Variants in CDX1 observed in about 807,000 individuals in gnomAD.
The protein encoded by CDX1 is homeobox protein CDX-1.
Under a neutral mutation model 16.9 loss-of-function variants are expected in CDX1, and 9 were observed. That is an observed-to-expected ratio of 0.53 (90% CI 0.32 to 0.93). CDX1 has a LOEUF of 0.93. Among genes scored for constraint, CDX1 ranks in the 40% least tolerant of loss-of-function variants. The pLI, the probability that CDX1 is intolerant of heterozygous loss-of-function variation, is 0.04. For missense variants in CDX1, 393 were observed against 386.1 expected, an observed-to-expected ratio of 1.02 and a Z score of -0.15; for synonymous variants, 179 against 179.0, an observed-to-expected ratio of 1.00 and a Z score of 0.00.
chr5:150,169,401 C>A (rs147760724), intron 1 of CDX1, among the ~76,000 whole-genome samples: 1 of 152,176 alleles, frequency 6.6e-6, no homozygotes, highest in East Asian at 1.9e-4. Context: ...AGAAGGAGGT[C>A]TGGGGGTTCC....
At chr5:150,179,758 C>A (rs898527139) in intron 1 of CDX1, among the ~76,000 whole-genome samples, 4 of 152,248 alleles carry the variant, frequency 2.6e-5, no homozygotes, top group Admixed American at 2.0e-4. Context: ...CAGCCTGGGG[C>A]TCTCAGTAGC....
chr5:150,183,333 G>A lies in CDX1; in HGVS notation c.592-141G>A, dbSNP rs189529845. 3.3e-5 allele frequency: 23 copies of A among 691,108 alleles called. No individual in the cohort carries two copies. In the Admixed American group the frequency reaches 7.0e-4, roughly 21 times the overall value. 42.8% of individuals were successfully genotyped at this position (691,108 alleles called of 1,614,324 possible). ...GGGGGAGAATGAATTCAGGGTCCAT[G>A]TGGTCTGGGAGGCTGGAGAGGAGAT... is the stretch of plus-strand genomic sequence containing the variant. On this transcript the variant is annotated intron_variant, in intron 2 of 2. Coordinates refer to ENST00000231656, the MANE Select transcript of CDX1 (RefSeq NM_001804.3).
chr5:150,177,269 A>T (rs1354662352), intron 1 of CDX1, among the ~76,000 whole-genome samples: 2 of 152,260 alleles, frequency 1.3e-5, no homozygotes, highest in Non-Finnish European at 2.9e-5. Flanking sequence ...ATCAACAAAC[A>T]TTGGGAGGTT....
intron 1 of CDX1, among the ~76,000 whole-genome samples, chr5:150,168,055 A>AG (rs1402723608): frequency 6.6e-6 from 1 of 152,078 alleles, no homozygotes; most frequent in Non-Finnish European, 1.5e-5. Context: ...AACTTTAATG[A>AG]GGGGCGGCTT....
intron 1 of CDX1, among the ~76,000 whole-genome samples, chr5:150,179,631 A>G (rs1761614987): frequency 6.6e-6 from 1 of 152,188 alleles, no homozygotes; most frequent in African/African-American, 2.4e-5. Context: ...AAGCACCTTC[A>G]GGACCACTGC....
At chr5:150,168,437 A>G (rs1027602771) in intron 1 of CDX1, among the ~76,000 whole-genome samples, 2 of 152,166 alleles carry the variant, frequency 1.3e-5, no homozygotes, top group Non-Finnish European at 2.9e-5. Context: ...ATAACCTCCT[A>G]TCTGCCTCCA....
At chr5:150,169,070 G>A (rs940100295) in intron 1 of CDX1, among the ~76,000 whole-genome samples, 1 of 152,134 alleles carries the variant, frequency 6.6e-6, no homozygotes, top group Non-Finnish European at 1.5e-5. Context: ...CTGCTCCTGT[G>A]TTCCACTTTC....
At position 150,167,049 on chromosome 5, in the gene CDX1, C is replaced by A; in HGVS notation, c.173C>A (p.Pro58Gln). ...YSHVEPAPAPPTAWGAPFPAP... is the reference protein window; with the variant it reads ...YSHVEPAPAPQTAWGAPFPAP... ...CACGTGGAGCCGGCCCCCGCGCCCC[C>A]GACGGCCTGGGGGGCGCCCTTCCCT... Residue 58 changes from proline (P) to glutamine (Q), a missense_variant, in exon 1 of 3, where the codon CCG becomes CAG. Coordinates refer to ENST00000231656, the MANE Select transcript of CDX1 (RefSeq NM_001804.3). 7.0e-7 allele frequency: 1 copy of A among 1,430,944 alleles called. No individual in the cohort carries two copies. The highest frequency in any genetic ancestry group is 9.1e-7 in the Non-Finnish European group (1 of 1,097,740). The allele number at this position is 1,430,944 out of a possible 1,614,324, so 88.6% of individuals were successfully genotyped here.
At chr5:150,179,013 C>T (rs932510771) in intron 1 of CDX1, among the ~76,000 whole-genome samples, 3 of 152,070 alleles carry the variant, frequency 2.0e-5, no homozygotes, top group African/African-American at 4.8e-5. Context: ...CTTGTGTTAT[C>T]AGAAACAGAT....
chr5:150,177,963 C>G (rs146970143), intron 1 of CDX1, among the ~76,000 whole-genome samples: 1 of 152,136 alleles, frequency 6.6e-6, no homozygotes, highest in Non-Finnish European at 1.5e-5. Flanking sequence ...AGGTCTTCAC[C>G]GGCAGCCTTG....
At chr5:150,180,371 T>C (rs2113953898) in intron 1 of CDX1, among the ~76,000 whole-genome samples, 1 of 152,236 alleles carries the variant, frequency 6.6e-6, no homozygotes, top group East Asian at 1.9e-4. Context: ...CATGGAAGCG[T>C]CCAGTGTGGT....
At position 150,167,336 on chromosome 5, in the gene CDX1, C is replaced by T. The variant is rs1761441892; in HGVS notation, c.445+15C>T. ...CGGTGGCAGCGGTAAGGACCCTTCC[C>T]TCGCCCTGCGCCTCTGGACCTGCAG... On this transcript the variant is annotated intron_variant, in intron 1 of 2. Transcript: ENST00000231656. 2 of 1,246,970 alleles carry T rather than the reference C, an allele frequency of 1.6e-6. No homozygotes were observed. Among genetic ancestry groups the T allele is most frequent in the Non-Finnish European group, 2.0e-6 (2 of 998,150 alleles). The allele number at this position is 1,246,970 out of a possible 1,614,324, so 77.2% of individuals were successfully genotyped here.
intron 1 of CDX1, among the ~76,000 whole-genome samples, chr5:150,171,667 C>T (rs544684036): frequency 6.6e-6 from 1 of 152,334 alleles, no homozygotes; most frequent in South Asian, 2.1e-4. Flanking sequence ...TAAAATCCAG[C>T]TCCATTTCTA....
chr5:150,173,853 G>A (rs1189278650), intron 1 of CDX1, among the ~76,000 whole-genome samples: 1 of 152,142 alleles, frequency 6.6e-6, no homozygotes, highest in Non-Finnish European at 1.5e-5. Flanking sequence ...ACCAGCTGCT[G>A]GAGTGGACTT....
At chr5:150,178,987 G>A (rs1325887848) in intron 1 of CDX1, among the ~76,000 whole-genome samples, 2 of 152,002 alleles carry the variant, frequency 1.3e-5, no homozygotes, top group African/African-American at 2.4e-5. Flanking sequence ...TTGTACACGT[G>A]TACATTGTTT....
rs1580835333 is a variant in CDX1, at chr5:150,167,117, G to T, written c.241G>T (p.Ala81Ser). Residue 81 changes from alanine to serine, a missense_variant, in exon 1 of 3, where the codon GCG becomes TCG. Coordinates refer to ENST00000231656, the MANE Select transcript of CDX1 (RefSeq NM_001804.3). ...DWAAAYGPGP[A>S]APAASPASLA... The stretch of plus-strand genomic sequence containing the variant: ...GGCCGCCGCCTACGGCCCGGGCCCC[G>T]CGGCCCCTGCCGCCAGCCCAGCTTC... 6 of 1,337,342 alleles carry T rather than the reference G, an allele frequency of 4.5e-6. No individual in the cohort carries two copies. The highest frequency in any genetic ancestry group is 4.7e-6 in the Non-Finnish European group (5 of 1,052,956). 82.8% of individuals were successfully genotyped at this position (1,337,342 alleles called of 1,614,324 possible).
chr5:150,170,320 A>T (rs962332929), intron 1 of CDX1, among the ~76,000 whole-genome samples: 10 of 152,170 alleles, frequency 6.6e-5, no homozygotes, highest in African/African-American at 2.4e-4. Flanking sequence ...TTTCCTTCAG[A>T]GCACTAATTC....
rs1175524871 is a variant in CDX1, at chr5:150,166,864, C to G, written c.-13C>G. The G allele has an allele frequency of 1.4e-6, 2 of 1,468,568 alleles. No individual in the cohort carries two copies. The highest frequency in any genetic ancestry group is 1.4e-5 in the South Asian group (1 of 71,322). The allele number at this position is 1,468,568 out of a possible 1,614,324, so 91.0% of individuals were successfully genotyped here. ...TCCAGGGCCCAGCATGCGCGGGGGA[C>G]CCCGCGGCCACCATGTATGTGGGCT... On this transcript the variant is annotated 5_prime_UTR_variant, in exon 1 of 3. Transcript: ENST00000231656.
At position 150,167,148 on chromosome 5, in the gene CDX1, C is replaced by A; in HGVS notation, c.272C>A (p.Ala91Glu). 1 of 1,320,966 alleles carries A rather than the reference C, an allele frequency of 7.6e-7. No individual in the cohort carries two copies. The highest frequency in any genetic ancestry group is 9.6e-7 in the Non-Finnish European group (1 of 1,044,620). 81.8% of individuals were successfully genotyped at this position (1,320,966 alleles called of 1,614,324 possible). The change falls in exon 1 of 3, where the codon GCA becomes GAA. Residue 91 changes from alanine (A) to glutamate (E), a missense_variant. By Grantham distance (107) the Ala-to-Glu change is moderately radical. Coordinates refer to ENST00000231656, the MANE Select transcript of CDX1 (RefSeq NM_001804.3). ...CCTGCCGCCAGCCCAGCTTCGCTGGCATTCGGGCCCCCTCCAGACTTTAGC... is the reference window on the plus strand; with the variant it reads ...CCTGCCGCCAGCCCAGCTTCGCTGGAATTCGGGCCCCCTCCAGACTTTAGC... ...AAPAASPASLAFGPPPDFSPV... is the reference protein window; with the variant it reads ...AAPAASPASLEFGPPPDFSPV...
Sources: allele counts gnomAD v4.1 joint callset (sites outside exome capture counted in the v4.1 genomes callset), GRCh38; gene constraint gnomAD v4.1.1; transcripts MANE v1.5; gene names NCBI Gene and HGNC (gene_info 2026-07-23, HGNC 2026-07-21).